NBPF10: variants seen among roughly 807,000 people sequenced by gnomAD.
NBPF10 encodes NBPF family member NBPF10.
NBPF10 carries 63 observed loss-of-function variants against 77.9 expected under a neutral mutation model. The ratio of observed to expected loss-of-function variants is 0.81; its 90% CI spans 0.66 to 1.00. NBPF10 has a LOEUF of 1.00. Ranked by LOEUF, NBPF10 falls within the 50% of genes least tolerant of loss-of-function variation. NBPF10 has a pLI of 0.00. For synonymous variants in NBPF10, 146 were observed against 264.5 expected (o/e 0.55, Z 4.35); for missense variants, 522 against 679.8 (o/e 0.77, Z 2.58).
chr1:146,125,934 T>C (rs1306076984), intron 14 of NBPF10, among the ~76,000 whole-genome samples: 2 of 151,640 alleles, frequency 1.3e-5, no homozygotes, highest in Admixed American at 6.6e-5. Context: ...CTACAAGATC[T>C]ACAAAATTTA....
intron 14 of NBPF10, 150 bp downstream of exon 14, chr1:146,126,086 G>T (rs1658591353): frequency 1.6e-5 from 10 of 642,452 alleles, no homozygotes; most frequent in Admixed American, 2.7e-5. Context: ...CTTCCAAGTG[G>T]AACTAGAGTT....
At position 146,067,871 on chromosome 1, in the gene NBPF10, C is replaced by A. The variant is rs1447400586; in HGVS notation, c.11035+132G>T. The A allele has an allele frequency of 6.3e-5, 44 of 696,832 alleles. 3 individuals are homozygous for A. In the East Asian group the frequency reaches 8.0e-4, roughly 13 times the overall value. 43.2% of individuals were successfully genotyped at this position (696,832 alleles called of 1,614,324 possible). ...AGCTGAGACTACAGTTTCATTACAACCTATATGCGCCCATAGGTCCTGCCT... is the reference window on the plus strand; with the variant it reads ...AGCTGAGACTACAGTTTCATTACAAACTATATGCGCCCATAGGTCCTGCCT... On this transcript the variant is annotated intron_variant, in intron 88 of 89. Transcript: ENST00000583866.
At position 146,126,137 on chromosome 1, in the gene NBPF10, A is replaced by G. The variant is rs370138275; in HGVS notation, c.2026+99T>C. 1.6e-4 allele frequency: 132 copies of G among 802,772 alleles called. 3 individuals are homozygous for G. In the East Asian group the frequency reaches 2.2e-3, roughly 14 times the overall value. 49.7% of individuals were successfully genotyped at this position (802,772 alleles called of 1,614,324 possible). On this transcript the variant is annotated intron_variant, in intron 14 of 89. Transcript: ENST00000583866. ...GTGCCTATAGGTCCTCCCTGTGGCA[A>G]TGACATCTCTCAGCTCAGTAACGGC...
At chr1:146,141,967 GAA>G in intron 2 of NBPF10, 149 bp from the exon 3 acceptor site, 1 of 596,302 alleles carries the variant, frequency 1.7e-6, no homozygotes, top group East Asian at 3.4e-5. Context: ...GTGGCCAAGA[GAA>G]AGAATAGAAA....
rs200403298 is a variant in NBPF10, at chr1:146,069,205, G to A, written c.10810+338C>T. On this transcript the variant is annotated intron_variant, in intron 86 of 89. Coordinates refer to ENST00000583866, the Ensembl canonical transcript of NBPF10. ...GTTCATGGTAGCGAGGATTGTAGAC[G>A]CTGAAATTAGAGTGAAGGATGAAAT... Among the ~76,000 whole-genome samples the A allele has an allele frequency of 1.5e-4, 13 of 85,846 alleles. 2 individuals carry two copies. Among genetic ancestry groups the A allele is most frequent in the Admixed American group, 3.7e-4 (3 of 8,160 alleles). 56.3% of individuals were successfully genotyped at this position (85,846 alleles called of 152,430 possible).
chr1:146,067,517 T>A (rs1175341921), intron 88 of NBPF10, among the ~76,000 whole-genome samples: 8 of 148,424 alleles, frequency 5.4e-5, no homozygotes, highest in Non-Finnish European at 1.2e-4. Flanking sequence ...GTTATCCCAA[T>A]ATCATTTGTC....
rs1428695684 is a variant in NBPF10, at chr1:146,140,339, C to T, written c.566+145G>A. The T allele has an allele frequency of 7.3e-6, 6 of 824,068 alleles. 1 individual carries two copies. Among genetic ancestry groups the T allele is most frequent in the Non-Finnish European group, 1.2e-5 (6 of 517,652 alleles). The allele number at this position is 824,068 out of a possible 1,614,324, so 51.0% of individuals were successfully genotyped here. On this transcript the variant is annotated intron_variant, in intron 4 of 89. Coordinates refer to ENST00000583866, the Ensembl canonical transcript of NBPF10. ...TAGAGAAACACGACAGCTGCCGCAC[C>T]CTGTGTCTAAGCTGGGTTCAATTTC...
At chr1:146,066,961 A>G (rs1490885841) in intron 89 of NBPF10, among the ~76,000 whole-genome samples, 2 of 145,478 alleles carry the variant, frequency 1.4e-5, no homozygotes, top group South Asian at 4.5e-4. Context: ...ATGAGAGTAC[A>G]GCTTTTGAAG....
At chr1:146,123,495 C>G (rs1429748304) in intron 17 of NBPF10, among the ~76,000 whole-genome samples, 1,020 of 86,686 alleles carry the variant, frequency 0.012, 9 homozygotes, top group African/African-American at 0.035. Flanking sequence ...CACACACACA[C>G]ACACACACAC....
intron 14 of NBPF10, among the ~76,000 whole-genome samples, chr1:146,125,734 G>A (rs1483041436): frequency 1.5e-5 from 2 of 135,192 alleles, no homozygotes; most frequent in Admixed American, 7.5e-5. Flanking sequence ...CTGGTAGATC[G>A]TTATCCAAAT....
chr1:146,127,880 C>A (rs1490551101), intron 12 of NBPF10, among the ~76,000 whole-genome samples: 2 of 131,988 alleles, frequency 1.5e-5, no homozygotes, highest in Non-Finnish European at 3.2e-5. Flanking sequence ...AATGTCGTGA[C>A]AGTCAGTCCA....
intron 6 of NBPF10, 68 bp from the exon 7 acceptor site, chr1:146,136,523 G>T: frequency 1.5e-5 from 19 of 1,291,506 alleles, no homozygotes; most frequent in Non-Finnish European, 2.1e-5. Flanking sequence ...TTGCCTACAG[G>T]ACAGGAGCCA....
intron 86 of NBPF10, 105 bp downstream of exon 86, chr1:146,069,438 G>C: frequency 3.6e-6 from 2 of 558,952 alleles, no homozygotes; most frequent in Middle Eastern, 9.7e-4. Context: ...GGTCCTCCCT[G>C]TGGCAATGAC....
At chr1:146,067,810 G>A (rs1416276465) in intron 88 of NBPF10, among the ~76,000 whole-genome samples, 193 bp downstream of exon 88, 1 of 151,892 alleles carries the variant, frequency 6.6e-6, no homozygotes, top group Non-Finnish European at 1.5e-5. Context: ...TAGGAAGAGA[G>A]TCTTGCTCAC....
rs782204474 is a variant in NBPF10 at position 146,136,426 on chromosome 1, A to T, written c.1018T>A (p.Phe340Ile). Residue 340 changes from phenylalanine to isoleucine, a missense_variant, in exon 7 of 90, where the codon TTT (phenylalanine) becomes ATT (isoleucine). Phe to Ile is a conservative substitution (Grantham distance 21). Coordinates refer to ENST00000583866, the Ensembl canonical transcript of NBPF10. ...AACTGTCGCTCATTCCTCAGCATAA[A>T]TTTTATGAGGTCTTTGCACTCTTCA... is the stretch of plus-strand genomic sequence containing the variant. 16 of 1,612,240 alleles carry T rather than the reference A, an allele frequency of 9.9e-6. No individual in the cohort carries two copies. In the African/African-American group the frequency reaches 1.8e-4, roughly 18 times the overall value.
intron 88 of NBPF10, 105 bp downstream of exon 88, chr1:146,067,898 C>T (rs1483274913): frequency 4.1e-5 from 29 of 699,826 alleles, no homozygotes; most frequent in Admixed American, 1.0e-4. Context: ...GTCCTGCCTG[C>T]GGCAATGACG....
At chr1:146,067,099 T>C (rs1553777777) in intron 89 of NBPF10, 81 bp downstream of exon 89, 2 of 622,512 alleles carry the variant, frequency 3.2e-6, no homozygotes, top group South Asian at 1.6e-5. Context: ...AAACATGTCA[T>C]CAAACACACT....
rs4649871 is a variant in NBPF10, at chr1:146,127,099, T to G, written c.1802-20A>C. On this transcript the variant is annotated intron_variant, in intron 12 of 89. Transcript: ENST00000583866. ...GATGTCCTGCAAATAAATTCAGATG[T>G]GCCCTCTTACATTAAGTTCTTCCTT... The G allele has an allele frequency of 0.73, 308,246 of 422,762 alleles. 126,134 individuals carry two copies. The highest frequency in any genetic ancestry group is 0.8 in the Non-Finnish European group (197,577 of 245,864). The allele number at this position is 422,762 out of a possible 1,614,324, so 26.2% of individuals were successfully genotyped here.
intron 13 of NBPF10, 145 bp from the exon 14 acceptor site, chr1:146,126,553 G>T (rs1172733120): frequency 1.4e-5 from 10 of 705,088 alleles, no homozygotes; most frequent in Non-Finnish European, 2.6e-5. Context: ...TTGCCTTTAT[G>T]TTGGGATTGA....
Sources: gnomAD v4.1 joint callset for allele counts (sites outside exome capture counted in the v4.1 genomes callset) on GRCh38, gnomAD v4.1.1 for gene constraint, MANE v1.5 for transcripts, NCBI Gene and HGNC (gene_info 2026-07-23, HGNC 2026-07-21) for gene names.